Variants in PSG3 observed in about 807,000 individuals in gnomAD.
PSG3 encodes pregnancy-specific beta-1-glycoprotein 3.
Under a neutral mutation model 47.5 loss-of-function variants are expected in PSG3, and 61 were observed. The observed-to-expected ratio is 1.28, with a 90% confidence interval of 1.05 to 1.59. The LOEUF (loss-of-function observed/expected upper bound fraction) is 1.59. Ranked by LOEUF, PSG3 falls within the 40% of genes most tolerant of loss-of-function variation. The probability of loss-of-function intolerance (pLI) is 0.00; values close to 1 mark genes in which losing one functional copy is unlikely to be tolerated. For missense variants in PSG3, 756 were observed against 524.0 expected, an observed-to-expected ratio of 1.44 and a Z score of -4.32; for synonymous variants, 263 against 198.4, an observed-to-expected ratio of 1.33 and a Z score of -2.74.
chr19:42,735,555 A>C (rs1436690927), intron 2 of PSG3, among the ~76,000 whole-genome samples: 12 of 152,010 alleles, frequency 7.9e-5, no homozygotes, highest in Non-Finnish European at 1.5e-4. Context: ...TTTAGTAGAG[A>C]CGGGGTTTCA....
At chr19:42,737,106 G>C (rs1166689128) in intron 2 of PSG3, among the ~76,000 whole-genome samples, 1 of 152,036 alleles carries the variant, frequency 6.6e-6, no homozygotes, top group African/African-American at 2.4e-5. Flanking sequence ...GAGACCCCAG[G>C]GACCAGGTGC....
chr19:42,740,079 G>A (rs549319509), intron 1 of PSG3, among the ~76,000 whole-genome samples: 6 of 151,608 alleles, frequency 4.0e-5, no homozygotes, highest in South Asian at 2.1e-4. Context: ...CAGCCTCCCG[G>A]GTAGCTAGGA....
At chr19:42,740,278 C>G (rs758197699) in intron 1 of PSG3, 43 bp downstream of exon 1, 29 of 1,613,692 alleles carry the variant, frequency 1.8e-5, no homozygotes, top group Middle Eastern at 1.7e-4. Context: ...TCCAGTCACT[C>G]TGCTTCCTCC....
chr19:42,733,241 G>C, intron 2 of PSG3, 179 bp from the exon 3 acceptor site: 1 of 1,331,318 alleles, frequency 7.5e-7, no homozygotes, highest in South Asian at 1.5e-5. Context: ...AGATTGTGAG[G>C]CTGCCTGCTT....
At chr19:42,734,959 G>A (rs920063478) in intron 2 of PSG3, among the ~76,000 whole-genome samples, 5 of 152,192 alleles carry the variant, frequency 3.3e-5, no homozygotes, top group African/African-American at 4.8e-5. Flanking sequence ...ATTAGAAAGA[G>A]TCTAAGTGAG....
At chr19:42,734,575 A>G (rs1325360100) in intron 2 of PSG3, among the ~76,000 whole-genome samples, 1 of 152,230 alleles carries the variant, frequency 6.6e-6, no homozygotes, top group African/African-American at 2.4e-5. Context: ...TGATGATCCA[A>G]ACATCTAAGA....
chr19:42,725,108 C>T (rs1404938542), intron 5 of PSG3, among the ~76,000 whole-genome samples: 2 of 152,116 alleles, frequency 1.3e-5, no homozygotes, highest in African/African-American at 2.4e-5. Context: ...ACTATTTGAC[C>T]TCTAGGCTAA....
At chr19:42,737,585 A>G (rs1003375572) in intron 2 of PSG3, among the ~76,000 whole-genome samples, 22 of 152,136 alleles carry the variant, frequency 1.4e-4, no homozygotes, top group Admixed American at 5.9e-4. Context: ...TAGTTCTGGA[A>G]TACAGACTAA....
At chr19:42,733,677 C>G (rs1379667493) in intron 2 of PSG3, 2 of 156,772 alleles carry the variant, frequency 1.3e-5, no homozygotes, top group South Asian at 3.8e-4. Flanking sequence ...CTCATAGTGG[C>G]TGACTTGAGC....
At chr19:42,724,062 G>A (rs1184426787) in intron 5 of PSG3, 37 bp from the exon 6 acceptor site, 1 of 1,585,798 alleles carries the variant, frequency 6.3e-7, no homozygotes, top group Non-Finnish European at 8.7e-7. Flanking sequence ...GAATGAAGAT[G>A]ATGTTATTTT....
chr19:42,739,629 C>A (rs1282699049), intron 1 of PSG3, among the ~76,000 whole-genome samples: 3 of 152,234 alleles, frequency 2.0e-5, no homozygotes, highest in Admixed American at 1.3e-4. Flanking sequence ...CTGCAGACTC[C>A]TGTAGATGTG....
At chr19:42,730,378 C>T (rs1969453494) in intron 3 of PSG3, among the ~76,000 whole-genome samples, 1 of 152,208 alleles carries the variant, frequency 6.6e-6, no homozygotes, top group South Asian at 2.1e-4. Flanking sequence ...CTGGCTGGCT[C>T]ACCCTGGGTT....
At chr19:42,727,529 T>G (rs1969396873) in intron 5 of PSG3, among the ~76,000 whole-genome samples, 3 of 152,192 alleles carry the variant, frequency 2.0e-5, no homozygotes, top group Admixed American at 2.0e-4. Context: ...CAGGAATACT[T>G]GGAGATATGC....
At chr19:42,725,114 G>C (rs944021508) in intron 5 of PSG3, among the ~76,000 whole-genome samples, 1 of 152,120 alleles carries the variant, frequency 6.6e-6, no homozygotes, top group African/African-American at 2.4e-5. Context: ...TGACCTCTAG[G>C]CTAATGATGA....
Position 42,722,099 on chromosome 19 carries a change from G to T in PSG3, c.*41-9C>A. On this transcript the variant is annotated splice_polypyrimidine_tract_variant and intron_variant, in intron 6 of 6. Coordinates refer to ENST00000327495, the MANE Select transcript of PSG3 (RefSeq NM_021016.4). ...AGAATGAAAGCAACTGTCTGGGAAT[G>T]ACAAAGATTTAAAATGACTATGGTT... 1 of 412,804 alleles carries T rather than the reference G, an allele frequency of 2.4e-6. No homozygotes were observed. The highest frequency in any genetic ancestry group is 1.3e-4 in the South Asian group (1 of 7,836). The allele number at this position is 412,804 out of a possible 1,614,324, so 25.6% of individuals were successfully genotyped here.
At chr19:42,732,758 C>A (rs749571660) in intron 3 of PSG3, 26 bp downstream of exon 3, 1 of 1,614,150 alleles carries the variant, frequency 6.2e-7, no homozygotes, top group East Asian at 2.2e-5. Flanking sequence ...GGCAGACTGG[C>A]TCACAGAGGA....
At chr19:42,729,703 G>A (rs1420800165) in intron 4 of PSG3, 75 bp downstream of exon 4, 2 of 1,574,906 alleles carry the variant, frequency 1.3e-6, no homozygotes, top group Non-Finnish European at 1.7e-6. Flanking sequence ...ACCAGAGAGA[G>A]AGTGAGAGGC....
rs182735852 is a variant in PSG3, at chr19:42,728,365, C to T, written c.1243+758G>A. ...CCTAGGGGTGAATCTCCCTATTTCT[C>T]CAGCTCTGCATCAGTCACTGTCCTC... On this transcript the variant is annotated intron_variant, in intron 5 of 6. Transcript: ENST00000327495. Among the ~76,000 whole-genome samples, 281 of 152,338 alleles carry T rather than the reference C, an allele frequency of 1.8e-3. 1 individual carries two copies. Among genetic ancestry groups the T allele is most frequent in the African/African-American group, 6.5e-3 (269 of 41,578 alleles).
chr19:42,728,353 C>G (rs190533302), intron 5 of PSG3, among the ~76,000 whole-genome samples: 1 of 152,210 alleles, frequency 6.6e-6, no homozygotes, highest in Non-Finnish European at 1.5e-5. Context: ...AGGGGTGAAT[C>G]TCCCTATTTC....
Sources: allele counts gnomAD v4.1 joint callset (sites outside exome capture counted in the v4.1 genomes callset), GRCh38; gene constraint gnomAD v4.1.1; transcripts MANE v1.5; gene names NCBI Gene and HGNC (gene_info 2026-07-23, HGNC 2026-07-21).